NCAPG: variants seen among roughly 807,000 people sequenced by gnomAD.
The protein encoded by NCAPG is non-SMC condensin I complex subunit G.
NCAPG carries 69 observed loss-of-function variants against 113.1 expected under a neutral mutation model. That is an observed-to-expected ratio of 0.61 (90% CI 0.50 to 0.75). NCAPG has a LOEUF of 0.75. NCAPG is among the 30% of genes least tolerant of loss of function. NCAPG has a pLI of 0.00. For missense variants in NCAPG, 1,058 were observed against 1,177.0 expected, an observed-to-expected ratio of 0.90 and a Z score of 1.48; for synonymous variants, 370 against 415.8, an observed-to-expected ratio of 0.89 and a Z score of 1.34.
rs1256951770 is a variant in NCAPG, at chr4:17,811,261, C to T, written c.111+73C>T. The T allele has an allele frequency of 4.3e-6, 4 of 934,070 alleles. No homozygotes were observed. Among genetic ancestry groups the T allele is most frequent in the Non-Finnish European group, 6.1e-6 (4 of 653,360 alleles). 57.9% of individuals were successfully genotyped at this position (934,070 alleles called of 1,614,324 possible). ...CCCTCCCTCAGGGGCCCTCCGTGGC[C>T]CTCGGGCTCGGCGCACCGTGACTCC... On this transcript the variant is annotated intron_variant, in intron 1 of 20. Transcript: ENST00000251496. This position sits in a 1 kb window ranked among gnomAD's most constrained non-coding sequence, Gnocchi z 5.3.
intron 12 of NCAPG, 103 bp from the exon 13 acceptor site, chr4:17,830,894 T>TA (rs1721842911): frequency 5.0e-6 from 6 of 1,207,940 alleles, no homozygotes; most frequent in Non-Finnish European, 5.8e-6. Flanking sequence ...ATTTAATACT[T>TA]ACCTTTTCTT....
chr4:17,824,045 C>T (rs1721560764), intron 9 of NCAPG, among the ~76,000 whole-genome samples: 1 of 152,086 alleles, frequency 6.6e-6, no homozygotes, highest in African/African-American at 2.4e-5. Context: ...TGGTTTTGTC[C>T]ATGAGGCACT....
chr4:17,825,062 G>A lies in NCAPG; in HGVS notation c.1473+5G>A. The A allele has an allele frequency of 2.5e-6, 4 of 1,606,776 alleles. No homozygotes were observed. The highest frequency in any genetic ancestry group is 2.6e-6 in the Non-Finnish European group (3 of 1,174,744). On this transcript the variant is annotated splice_donor_5th_base_variant and intron_variant, in intron 10 of 20. Transcript: ENST00000251496. ...GTAAGAAAGAAAGAACTCAAGGTAA[G>A]TCTCTTTTAAATGAAAGAAGTGCTT... is the stretch of plus-strand genomic sequence containing the variant.
chr4:17,834,532 T>C lies in NCAPG; in HGVS notation c.2109+9T>C. The C allele has an allele frequency of 6.5e-7, 1 of 1,529,508 alleles. No homozygotes were observed. The allele number at this position is 1,529,508 out of a possible 1,614,324, so 94.7% of individuals were successfully genotyped here. A position where few individuals can be genotyped will look rare whatever the true frequency, so the allele number is the denominator to read the frequency against. Reference sequence around the variant, plus strand: ...ATTTCTTAGATAGTGAGGTAAGAAATAATCCAGTCCTGTGATTATGAAATG... The same window carrying C: ...ATTTCTTAGATAGTGAGGTAAGAAACAATCCAGTCCTGTGATTATGAAATG... On this transcript the variant is annotated intron_variant, in intron 14 of 20. Transcript: ENST00000251496.
intron 5 of NCAPG, among the ~76,000 whole-genome samples, chr4:17,816,260 T>C (rs1160675805): frequency 6.6e-6 from 1 of 152,086 alleles, no homozygotes; most frequent in East Asian, 1.9e-4. Context: ...CAGTTCACAA[T>C]AGAGTTCCTG....
Position 17,832,096 on chromosome 4 carries a change from T to A in NCAPG, c.1884+980T>A, listed in dbSNP as rs1577343567. On this transcript the variant is annotated intron_variant, in intron 13 of 20. Coordinates refer to ENST00000251496, the MANE Select transcript of NCAPG (RefSeq NM_022346.5). The stretch of plus-strand genomic sequence containing the variant: ...CAGTAAAACTTTATGGACACTGAAA[T>A]TTGAATTTCATGTAATTTTCACATG... 3.3e-5 allele frequency among the ~76,000 whole-genome samples: 5 copies of A among 152,326 alleles called. No homozygotes were observed. The South Asian group carries it at 1.0e-3, about 32-fold the overall frequency.
intron 12 of NCAPG, 94 bp downstream of exon 12, chr4:17,828,482 ACT>A (rs1721740204): frequency 1.6e-6 from 1 of 621,004 alleles, no homozygotes; most frequent in African/African-American, 1.9e-5. Flanking sequence ...TGAAAAGATT[ACT>A]GTCTTAAATA....
chr4:17,823,600 A>G, intron 8 of NCAPG, 47 bp from the exon 9 acceptor site: 1 of 1,544,012 alleles, frequency 6.5e-7, no homozygotes, highest in Non-Finnish European at 8.9e-7. Context: ...TAGAGATAAA[A>G]CATGTTTTGT....
chr4:17,823,420 CATGTTG>C (rs1277467376), intron 8 of NCAPG, among the ~76,000 whole-genome samples: 1 of 151,870 alleles, frequency 6.6e-6, no homozygotes, highest in Non-Finnish European at 1.5e-5. Flanking sequence ...GTCATTTTAT[CATGTTG>C]ATTTATTAAA....
At chr4:17,814,400 C>CA (rs774669975) in intron 3 of NCAPG, among the ~76,000 whole-genome samples, 6 of 150,144 alleles carry the variant, frequency 4.0e-5, no homozygotes, top group East Asian at 3.9e-4. Flanking sequence ...ACCTTGTCTC[C>CA]AAAAAAAAGA....
chr4:17,813,248 A>G, intron 3 of NCAPG, 103 bp downstream of exon 3: 1 of 898,840 alleles, frequency 1.1e-6, no homozygotes, highest in Non-Finnish European at 1.6e-6. Flanking sequence ...GAGTATAGGT[A>G]ATTAATATAT....
chr4:17,814,741 G>A, intron 3 of NCAPG, 112 bp from the exon 4 acceptor site: 1 of 1,227,102 alleles, frequency 8.1e-7, no homozygotes, highest in Non-Finnish European at 1.1e-6. Flanking sequence ...ATCATGCCCA[G>A]CCTATCTTTA....
intron 11 of NCAPG, among the ~76,000 whole-genome samples, chr4:17,826,847 ACAGT>A (rs745691930): frequency 1.3e-5 from 2 of 152,370 alleles, no homozygotes; most frequent in South Asian, 2.1e-4. Context: ...ATATAATCTA[ACAGT>A]CAGAGGATAC....
intron 11 of NCAPG, 36 bp downstream of exon 11, chr4:17,825,597 T>C: frequency 4.0e-6 from 6 of 1,509,216 alleles, no homozygotes; most frequent in Non-Finnish European, 4.5e-6. Context: ...ATCTCAGGTG[T>C]TATTAATCAT....
intron 20 of NCAPG, 133 bp from the exon 21 acceptor site, chr4:17,843,169 A>G (rs947781062): frequency 1.8e-5 from 17 of 953,582 alleles, no homozygotes; most frequent in Non-Finnish European, 2.6e-5. Flanking sequence ...TTTTAGTTTT[A>G]AGCTAAGTCA....
In NCAPG at chr4:17,823,561, G is replaced by A. The variant is rs142164629; in HGVS notation, c.1260-86G>A. 3,863 of 1,191,494 alleles carry A rather than the reference G, an allele frequency of 3.2e-3. 16 individuals carry two copies. The highest frequency in any genetic ancestry group is 4.2e-3 in the Non-Finnish European group (3,514 of 834,724). 73.8% of individuals were successfully genotyped at this position (1,191,494 alleles called of 1,614,324 possible). On this transcript the variant is annotated intron_variant, in intron 8 of 20. Coordinates refer to ENST00000251496, the MANE Select transcript of NCAPG (RefSeq NM_022346.5). ...CCTAAGTGAAAGAACTGAGGCAAAT[G>A]TAATTAAGTTTGCAGAGTAGGTGAA...
chr4:17,839,661 C>G lies in NCAPG; in HGVS notation c.2467-15C>G. The G allele has an allele frequency of 6.8e-7, 1 of 1,466,684 alleles. No homozygotes were observed. Among genetic ancestry groups the G allele is most frequent in the Non-Finnish European group, 9.0e-7 (1 of 1,107,986 alleles). The allele number at this position is 1,466,684 out of a possible 1,614,324, so 90.9% of individuals were successfully genotyped here. A position where few individuals can be genotyped will look rare whatever the true frequency, so the allele number is the denominator to read the frequency against. ...TCATCTTCAATTTACAGAGAATTTT[C>G]TCTTAATTTTTTAGGCCTTAACAGT... On this transcript the variant is annotated splice_polypyrimidine_tract_variant and intron_variant, in intron 16 of 20. Transcript: ENST00000251496.
At chr4:17,813,221 T>C (rs957336986) in intron 3 of NCAPG, 76 bp downstream of exon 3, 21 of 1,214,634 alleles carry the variant, frequency 1.7e-5, no homozygotes, top group South Asian at 1.5e-4. Flanking sequence ...TTTTTTATTA[T>C]GGTCTATACA....
chr4:17,843,656 G>A lies in NCAPG; in HGVS notation c.*231G>A. The A allele has an allele frequency of 3.0e-6, 1 of 331,348 alleles. No individual in the cohort carries two copies. The highest frequency in any genetic ancestry group is 5.7e-6 in the Non-Finnish European group (1 of 174,840). The allele number at this position is 331,348 out of a possible 1,614,324, so 20.5% of individuals were successfully genotyped here. On this transcript the variant is annotated 3_prime_UTR_variant, in exon 21 of 21. Transcript: ENST00000251496. ...CACAGATTTATCACAATCTGAGGTG[G>A]GCCTAGGAATCTCATTTTTAAATAG...
Sources: allele counts gnomAD v4.1 joint callset (sites outside exome capture counted in the v4.1 genomes callset), GRCh38; gene constraint gnomAD v4.1.1; non-coding constraint Gnocchi (gnomAD v3.1); transcripts MANE v1.5; gene names NCBI Gene and HGNC (gene_info 2026-07-23, HGNC 2026-07-21).